The following PFKFB2 variants were observed in gnomAD, a reference collection of about 807,000 sequenced individuals.
PFKFB2 encodes the protein 6-phosphofructo-2-kinase/fructose-2,6-biphosphatase 2, also known as 6-phosphofructo-2-kinase/fructose-2,6-bisphosphatase 2.
In PFKFB2, 53 loss-of-function variants were observed where a neutral mutation model predicts 68.0. The ratio of observed to expected loss-of-function variants is 0.78; its 90% CI spans 0.63 to 0.98. The LOEUF (loss-of-function observed/expected upper bound fraction) is 0.98, where lower values mean the gene tolerates loss of function less well. Among genes scored for constraint, PFKFB2 ranks in the 50% least tolerant of loss-of-function variants. The pLI is 0.00. For missense variants in PFKFB2, 451 were observed against 642.0 expected, an observed-to-expected ratio of 0.70 and a Z score of 3.22; for synonymous variants, 222 against 227.6, an observed-to-expected ratio of 0.98 and a Z score of 0.22.
chr1:207,060,818 T>C (rs1683064515), intron 2 of PFKFB2: 1 of 151,658 alleles, frequency 6.6e-6, no homozygotes, highest in Non-Finnish European at 1.5e-5. Context: ...TTTCTTTTTT[T>C]GAGACGAAGT....
At chr1:207,041,428 C>T (rs1682479002) in intron 1 of PFKFB2, among the ~76,000 whole-genome samples, 1 of 152,084 alleles carries the variant, frequency 6.6e-6, no homozygotes, top group Non-Finnish European at 1.5e-5. Flanking sequence ...TGTTCCCTTC[C>T]CTGTGCCCAT....
At chr1:207,056,418 G>A (rs757484020) in intron 2 of PFKFB2, among the ~76,000 whole-genome samples, 2 of 150,276 alleles carry the variant, frequency 1.3e-5, no homozygotes, top group Non-Finnish European at 3.0e-5. Context: ...ATGTTACTAG[G>A]GTGCTTGATC....
chr1:207,039,500 T>G (rs1294906826), intron 1 of PFKFB2, among the ~76,000 whole-genome samples: 1 of 152,254 alleles, frequency 6.6e-6, no homozygotes, highest in Non-Finnish European at 1.5e-5. Flanking sequence ...TATTTATGGT[T>G]ACTTGATAAA....
In PFKFB2 at chr1:207,063,737, T is replaced by C. The variant is rs778689199; in HGVS notation, c.451-36T>C. 1.2e-5 allele frequency: 19 copies of C among 1,584,464 alleles called. No individual in the cohort carries two copies. In the Admixed American group the frequency reaches 2.5e-4, roughly 21 times the overall value. On this transcript the variant is annotated intron_variant, in intron 6 of 14. Coordinates refer to ENST00000367080, the MANE Select transcript of PFKFB2 (RefSeq NM_006212.2). This position sits in a 1 kb window ranked among gnomAD's most constrained non-coding sequence, Gnocchi z 4.1. ...GCTCTTAATTAACAGCCTGGCATTT[T>C]TGACTTGCTTATCACTGCCTTCTCT...
At chr1:207,047,231 A>G (rs1019364699) in intron 2 of PFKFB2, 3 of 152,570 alleles carry the variant, frequency 2.0e-5, no homozygotes, top group African/African-American at 4.8e-5. Flanking sequence ...AGAAAACTAA[A>G]CACTTTTAAG....
chr1:207,067,711 G>A lies in PFKFB2; in HGVS notation c.840+5G>A, dbSNP rs1390988355. The stretch of plus-strand genomic sequence containing the variant: ...CTCTCGGTGCGGGGAAAGCAGGTGA[G>A]TAATTATTCAGCACACTGGATTTTC... On this transcript the variant is annotated splice_donor_5th_base_variant and intron_variant, in intron 9 of 14. Coordinates refer to ENST00000367080, the MANE Select transcript of PFKFB2 (RefSeq NM_006212.2). 1.2e-6 allele frequency: 2 copies of A among 1,608,706 alleles called. No individual in the cohort carries two copies. The highest frequency in any genetic ancestry group is 1.7e-6 in the Non-Finnish European group (2 of 1,175,646).
chr1:207,079,173 C>A (rs889730994), downstream of PFKFB2: 7 of 683,834 alleles, frequency 1.0e-5, no homozygotes, highest in African/African-American at 1.8e-5. Flanking sequence ...ACCATATTTC[C>A]TCCCCTCCTG....
At chr1:207,035,683 CAAA>C (rs1558049746) in intron 1 of PFKFB2, among the ~76,000 whole-genome samples, 1 of 132,512 alleles carries the variant, frequency 7.5e-6, no homozygotes, top group Non-Finnish European at 1.5e-5. Context: ...ACAAAAAAAA[CAAA>C]AAAAGAAAAG....
intron 2 of PFKFB2, among the ~76,000 whole-genome samples, chr1:207,058,426 A>G (rs1682992398): frequency 6.6e-6 from 1 of 152,222 alleles, no homozygotes; most frequent in African/African-American, 2.4e-5. Context: ...AAGTGCTGAC[A>G]TGAGGCACAG....
chr1:207,042,549 CAAAAAAAAAAAAAAAAAAA>C (rs57077682), intron 2 of PFKFB2, among the ~76,000 whole-genome samples: 1 of 44,716 alleles, frequency 2.2e-5, no homozygotes, highest in African/African-American at 7.4e-5. Context: ...CTCTGTCTCA[CAAAAAAAAAAAAAAAAAAA>C]AAAAAAAAAA....
chr1:207,070,521 CT>C lies in PFKFB2; in HGVS notation c.1222+115del, dbSNP rs557868107. The C allele has an allele frequency of 4.9e-4, 589 of 1,194,476 alleles. 2 individuals are homozygous for C. In the Admixed American group the frequency reaches 5.2e-3, roughly 11 times the overall value. 74.0% of individuals were successfully genotyped at this position (1,194,476 alleles called of 1,614,324 possible). A position where few individuals can be genotyped will look rare whatever the true frequency, so the allele number is the denominator to read the frequency against. ...CCCTGTCTCCACTCAAATTAGAGTA[CT>C]TTCTCCAGACAGCAGTGTGGGGCTC... On this transcript the variant is annotated intron_variant, in intron 12 of 14. Transcript: ENST00000367080. This position sits in a 1 kb window ranked among gnomAD's most constrained non-coding sequence, Gnocchi z 4.2.
upstream of PFKFB2, chr1:207,049,198 T>C (rs764660457): frequency 5.0e-6 from 8 of 1,614,056 alleles, no homozygotes; most frequent in South Asian, 4.4e-5. Flanking sequence ...AACAATATCA[T>C]CATTAGAGGA....
At chr1:207,036,553 C>T (rs1682380749) in intron 1 of PFKFB2, among the ~76,000 whole-genome samples, 1 of 152,216 alleles carries the variant, frequency 6.6e-6, no homozygotes, top group African/African-American at 2.4e-5. Context: ...CTCTCTTTCA[C>T]TCCATTTTCA....
chr1:207,078,181 G>A (rs1661482958), downstream of PFKFB2, among the ~76,000 whole-genome samples: 1 of 152,212 alleles, frequency 6.6e-6, no homozygotes, highest in African/African-American at 2.4e-5. Context: ...TTGGTGGACT[G>A]TTGTTCCTAA....
upstream of PFKFB2, among the ~76,000 whole-genome samples, chr1:207,050,293 T>C (rs1448412141): frequency 6.6e-6 from 1 of 150,848 alleles, no homozygotes; most frequent in Non-Finnish European, 1.5e-5. Flanking sequence ...ACTGCAAAAA[T>C]GAATCAAGAA....
In PFKFB2 at chr1:207,077,570, C is replaced by T. The variant is rs982811836; in HGVS notation, c.*5199C>T. The T allele has an allele frequency of 2.0e-6, 2 of 985,780 alleles. No individual in the cohort carries two copies. The highest frequency in any genetic ancestry group is 1.1e-4 in the East Asian group (1 of 8,818). 61.1% of individuals were successfully genotyped at this position (985,780 alleles called of 1,614,324 possible). A position where few individuals can be genotyped will look rare whatever the true frequency, so the allele number is the denominator to read the frequency against. On this transcript the variant is annotated 3_prime_UTR_variant, in exon 15 of 15. Coordinates refer to ENST00000367080, the MANE Select transcript of PFKFB2 (RefSeq NM_006212.2). ...AGGGGGATGGTGTGGGGCTGAGCAC[C>T]TCTGGGTTGAATGGGAATGGGTCAG...
chr1:207,056,073 C>T (rs759439881), intron 2 of PFKFB2, among the ~76,000 whole-genome samples: 4 of 152,124 alleles, frequency 2.6e-5, no homozygotes, highest in Non-Finnish European at 5.9e-5. Flanking sequence ...TCTCTCCATG[C>T]CTCAGTTTAC....
intron 2 of PFKFB2, among the ~76,000 whole-genome samples, chr1:207,060,334 C>A (rs1683049575): frequency 6.6e-6 from 1 of 152,192 alleles, no homozygotes; most frequent in Non-Finnish European, 1.5e-5. Context: ...ATGAGCATTC[C>A]TGAAGTAAGT....
intron 1 of PFKFB2, among the ~76,000 whole-genome samples, chr1:207,037,100 C>G (rs1316258470): frequency 6.6e-6 from 1 of 152,152 alleles, no homozygotes; most frequent in Non-Finnish European, 1.5e-5. Flanking sequence ...TTCTATCTGG[C>G]TACTTTCTCC....
Sources: gnomAD v4.1 joint callset for allele counts (sites outside exome capture counted in the v4.1 genomes callset) on GRCh38, gnomAD v4.1.1 for gene constraint, Gnocchi (gnomAD v3.1) non-coding constraint, MANE v1.5 for transcripts, NCBI Gene and HGNC (gene_info 2026-07-23, HGNC 2026-07-21) for gene names.